The following TRIM5 variants were observed in gnomAD, a reference collection of about 807,000 sequenced individuals.
The protein encoded by TRIM5 is tripartite motif-containing protein 5.
TRIM5 carries 31 observed loss-of-function variants against 35.6 expected under a neutral mutation model. That is an observed-to-expected ratio of 0.87 (90% confidence interval 0.65 to 1.18). The LOEUF (loss-of-function observed/expected upper bound fraction) is 1.18. Among genes scored for constraint, TRIM5 ranks in the 50% most tolerant of loss-of-function variants. The pLI is 0.00. For synonymous variants in TRIM5, 243 were observed against 215.6 expected, an observed-to-expected ratio of 1.13 and a Z score of -1.11; for missense variants, 609 against 591.6, an observed-to-expected ratio of 1.03 and a Z score of -0.31.
intron 1 of TRIM5, among the ~76,000 whole-genome samples, chr11:5,684,666 G>A (rs1008768446): frequency 2.0e-5 from 3 of 152,172 alleles, no homozygotes; most frequent in Non-Finnish European, 2.9e-5. Context: ...GTATAGAGTA[G>A]GGAGGGGATG....
At chr11:5,634,804 A>G in the TRIM5 span, 1 of 1,613,836 alleles carries the variant, frequency 6.2e-7, no homozygotes, top group Non-Finnish European at 8.5e-7. Flanking sequence ...AGTTGGTGAG[A>G]GAGCTCATCT....
In TRIM5 at chr11:5,663,274, T is replaced by G. The variant is rs934610592; in HGVS notation, c.*1535A>C. 1.1e-6 allele frequency: 1 copy of G among 952,352 alleles called. No homozygotes were observed. Among genetic ancestry groups the G allele is most frequent in the Non-Finnish European group, 1.3e-6 (1 of 799,882 alleles). 59.0% of individuals were successfully genotyped at this position (952,352 alleles called of 1,614,324 possible). On this transcript the variant is annotated 3_prime_UTR_variant, in exon 8 of 8. Coordinates refer to ENST00000380034, the MANE Select transcript of TRIM5 (RefSeq NM_033034.3). Reference sequence around the variant, plus strand: ...TCAGCTAATTTTATTATAATTATTTTTTACAATTAATAAACTGATTCCCAC... The same window carrying G: ...TCAGCTAATTTTATTATAATTATTTGTTACAATTAATAAACTGATTCCCAC...
At chr11:5,627,799 A>T in the TRIM5 span, among the ~76,000 whole-genome samples, 3 of 152,238 alleles carry the variant, frequency 2.0e-5, no homozygotes, top group Non-Finnish European at 4.4e-5. Flanking sequence ...TCTGACCAAG[A>T]ATCCAGAAGA....
the TRIM5 span, among the ~76,000 whole-genome samples, chr11:5,637,796 C>G: frequency 1.3e-5 from 2 of 152,192 alleles, no homozygotes; most frequent in Non-Finnish European, 2.9e-5. Flanking sequence ...CTTTCTGTCT[C>G]TATGACTTTG....
At chr11:5,654,682 G>A in the TRIM5 span, among the ~76,000 whole-genome samples, 1 of 152,048 alleles carries the variant, frequency 6.6e-6, no homozygotes, top group African/African-American at 2.4e-5. Flanking sequence ...AACACTATGC[G>A]GCACAGGAAA....
At chr11:5,620,067 C>T in the TRIM5 span, 1 of 150,792 alleles carries the variant, frequency 6.6e-6, no homozygotes, top group African/African-American at 2.4e-5. Flanking sequence ...CCTGTCTCTA[C>T]ATTTTGGGGT....
chr11:5,662,096 C>T (rs1296528912), downstream of TRIM5, among the ~76,000 whole-genome samples: 4 of 152,180 alleles, frequency 2.6e-5, no homozygotes, highest in African/African-American at 7.2e-5. Flanking sequence ...TCAACCTCCT[C>T]GGTTTCCCTG....
At chr11:5,610,896 GAC>G in the TRIM5 span, 1 of 1,614,060 alleles carries the variant, frequency 6.2e-7, no homozygotes, top group Non-Finnish European at 8.5e-7. Flanking sequence ...AAAGCATTAT[GAC>G]TGTAGTGTCC....
the TRIM5 span, among the ~76,000 whole-genome samples, chr11:5,637,076 G>A: frequency 6.6e-6 from 1 of 152,196 alleles, no homozygotes; most frequent in African/African-American, 2.4e-5. Context: ...AGGAGGCTGA[G>A]GCAGGAGAAT....
chr11:5,603,519 GC>G, the TRIM5 span: 1 of 1,614,100 alleles, frequency 6.2e-7, no homozygotes, highest in Non-Finnish European at 8.5e-7. Context: ...GGAACCTGCG[GC>G]CTAATCGGCA....
At chr11:5,662,006 C>T (rs1371943527), downstream of TRIM5, among the ~76,000 whole-genome samples, 1 of 152,206 alleles carries the variant, frequency 6.6e-6, no homozygotes, top group African/African-American at 2.4e-5. Flanking sequence ...CTAGTCCAGA[C>T]TGTTCCCAGT....
At chr11:5,660,965 C>T (rs145131223), downstream of TRIM5, among the ~76,000 whole-genome samples, 3,185 of 133,026 alleles carry the variant, frequency 0.024, 115 homozygotes, top group African/African-American at 0.083. Flanking sequence ...TGGCGTGAAC[C>T]CAGGAGGTGG....
Position 5,679,954 on chromosome 11 carries a change from T to G in TRIM5, c.224A>C (p.Asn75Thr). ...ENIRPNRHVANIVEKLREVKL... is the reference protein window; with the variant it reads ...ENIRPNRHVATIVEKLREVKL... ...GACCTCCCTGAGCTTCTCCACTATGTTGGCTACATGCCGATTAGGCCGTAT... is the reference window on the plus strand; with the variant it reads ...GACCTCCCTGAGCTTCTCCACTATGGTGGCTACATGCCGATTAGGCCGTAT... Residue 75 changes from asparagine to threonine, a missense_variant, in exon 2 of 8, where the codon AAC becomes ACC. Transcript: ENST00000380034. 6.2e-7 allele frequency: 1 copy of G among 1,614,184 alleles called. No individual in the cohort carries two copies. Among genetic ancestry groups the G allele is most frequent in the Admixed American group, 1.7e-5 (1 of 60,020 alleles).
chr11:5,605,398 T>C, the TRIM5 span: 1 of 1,614,076 alleles, frequency 6.2e-7, no homozygotes. Context: ...CGAAATATCC[T>C]AGACAGAGTG....
chr11:5,609,493 A>G, the TRIM5 span, among the ~76,000 whole-genome samples: 2 of 152,156 alleles, frequency 1.3e-5, no homozygotes, highest in Admixed American at 6.5e-5. Flanking sequence ...TAAATATTTT[A>G]TATCTTTTTT....
intron 1 of TRIM5, among the ~76,000 whole-genome samples, chr11:5,680,442 G>A (rs1197388439): frequency 6.6e-6 from 1 of 152,150 alleles, no homozygotes; most frequent in Non-Finnish European, 1.5e-5. Flanking sequence ...CATGTCATAT[G>A]ACAAATTCTG....
the TRIM5 span, among the ~76,000 whole-genome samples, chr11:5,619,042 C>T: frequency 4.6e-5 from 7 of 151,956 alleles, no homozygotes; most frequent in African/African-American, 7.2e-5. Context: ...TGTGTGCAAA[C>T]GGTGATATGA....
chr11:5,618,351 C>A, the TRIM5 span, among the ~76,000 whole-genome samples: 1 of 152,096 alleles, frequency 6.6e-6, no homozygotes, highest in African/African-American at 2.4e-5. Flanking sequence ...GCCTGGGCAA[C>A]AGAGTGAGAC....
At chr11:5,598,169 A>G in the TRIM5 span, among the ~76,000 whole-genome samples, 1 of 152,226 alleles carries the variant, frequency 6.6e-6, no homozygotes, top group East Asian at 1.9e-4. Context: ...GCCCGTCCAC[A>G]CTGCTCTGGA....
Sources: allele counts gnomAD v4.1 joint callset (sites outside exome capture counted in the v4.1 genomes callset), GRCh38; gene constraint gnomAD v4.1.1; transcripts MANE v1.5; gene names NCBI Gene and HGNC (gene_info 2026-07-23, HGNC 2026-07-21).